Variants in CACNA2D3 observed in about 807,000 individuals in gnomAD.
The protein encoded by CACNA2D3 is calcium voltage-gated channel auxiliary subunit alpha2delta 3.
In CACNA2D3, 60 loss-of-function variants were observed where a neutral mutation model predicts 160.6. The observed-to-expected ratio is 0.37, with a 90% confidence interval of 0.30 to 0.46. CACNA2D3 has a LOEUF of 0.46. CACNA2D3 is among the 20% of genes least tolerant of loss of function. The pLI is 1.00. For missense variants in CACNA2D3, 1,205 were observed against 1,365.0 expected, an observed-to-expected ratio of 0.88 and a Z score of 1.85; for synonymous variants, 558 against 492.9, an observed-to-expected ratio of 1.13 and a Z score of -1.75.
chr3:54,998,517 T>C (rs1414302827), intron 31 of CACNA2D3, among the ~76,000 whole-genome samples: 1 of 152,188 alleles, frequency 6.6e-6, no homozygotes, highest in African/African-American at 2.4e-5. Flanking sequence ...TCTACAATTT[T>C]GTTTCTCTTT....
rs181821181 is a variant in CACNA2D3 at position 54,610,256 on chromosome 3, T to C, written c.964-17531T>C. Reference sequence around the variant, plus strand: ...TGGGGTTTGGACTTCAACATGTCTTTTTGCAGGACACAATTTAACCCATAA... The same window carrying C: ...TGGGGTTTGGACTTCAACATGTCTTCTTGCAGGACACAATTTAACCCATAA... On this transcript the variant is annotated intron_variant, in intron 9 of 37. Transcript: ENST00000474759. 4.5e-3 allele frequency among the ~76,000 whole-genome samples: 686 copies of C among 152,354 alleles called. 8 individuals are homozygous for C. Among genetic ancestry groups the C allele is most frequent in the African/African-American group, 0.016 (649 of 41,586 alleles).
chr3:54,835,389 G>A (rs1162394684), intron 14 of CACNA2D3, among the ~76,000 whole-genome samples: 2 of 152,102 alleles, frequency 1.3e-5, no homozygotes, highest in Non-Finnish European at 2.9e-5. Context: ...TTTGGAATGG[G>A]GCCTGAGACT....
At chr3:54,282,300 T>C (rs1042290122) in intron 2 of CACNA2D3, among the ~76,000 whole-genome samples, 1 of 152,186 alleles carries the variant, frequency 6.6e-6, no homozygotes, top group Non-Finnish European at 1.5e-5. Context: ...TAAATTAACA[T>C]AGGTATAGAG....
At chr3:54,842,715 C>G (rs1698844351) in intron 16 of CACNA2D3, among the ~76,000 whole-genome samples, 1 of 151,928 alleles carries the variant, frequency 6.6e-6, no homozygotes, top group African/African-American at 2.4e-5. Flanking sequence ...ATTCTCCTGC[C>G]TCAGCCTCCA....
chr3:54,897,559 T>C (rs1700220443), intron 26 of CACNA2D3, among the ~76,000 whole-genome samples: 1 of 152,198 alleles, frequency 6.6e-6, no homozygotes, highest in African/African-American at 2.4e-5. Context: ...TCTATACTGC[T>C]TATTGCAGAA....
chr3:54,497,419 GT>G (rs1401908605), intron 4 of CACNA2D3, among the ~76,000 whole-genome samples: 1 of 151,862 alleles, frequency 6.6e-6, no homozygotes, highest in Non-Finnish European at 1.5e-5. Flanking sequence ...ATTTCCAACT[GT>G]TTTGTGTTAG....
At chr3:54,429,731 A>G in intron 4 of CACNA2D3, among the ~76,000 whole-genome samples, 1 of 152,166 alleles carries the variant, frequency 6.6e-6, no homozygotes, top group South Asian at 2.1e-4. Context: ...AGCCCCCTAA[A>G]ATGTGAAGTA....
intron 11 of CACNA2D3, among the ~76,000 whole-genome samples, chr3:54,674,863 G>C (rs1006771294): frequency 6.6e-6 from 1 of 152,172 alleles, no homozygotes; most frequent in Non-Finnish European, 1.5e-5. Flanking sequence ...ATAACCATGG[G>C]AGTAGGCAGT....
At chr3:54,456,314 T>C (rs768308238) in intron 4 of CACNA2D3, among the ~76,000 whole-genome samples, 15 of 152,012 alleles carry the variant, frequency 9.9e-5, no homozygotes, top group Non-Finnish European at 2.1e-4. Context: ...TTATTTTTGG[T>C]ACCAATTGTA....
intron 27 of CACNA2D3, among the ~76,000 whole-genome samples, chr3:54,959,057 C>T (rs550604574): frequency 2.6e-4 from 39 of 151,926 alleles, no homozygotes; most frequent in African/African-American, 7.0e-4. Context: ...GCCATGATCG[C>T]GCCACTGCAC....
chr3:54,349,889 G>T (rs895409228), intron 3 of CACNA2D3, among the ~76,000 whole-genome samples: 2 of 152,232 alleles, frequency 1.3e-5, no homozygotes, highest in African/African-American at 4.8e-5. Context: ...CATCTTCTAT[G>T]TGTCTGCGTA....
At chr3:54,216,382 C>T (rs931290657) in intron 2 of CACNA2D3, among the ~76,000 whole-genome samples, 9 of 152,118 alleles carry the variant, frequency 5.9e-5, no homozygotes, top group African/African-American at 1.4e-4. Flanking sequence ...TATATGTGTG[C>T]TTTCTATAAT....
At chr3:54,479,866 A>C (rs1354266250) in intron 4 of CACNA2D3, among the ~76,000 whole-genome samples, 1 of 152,218 alleles carries the variant, frequency 6.6e-6, no homozygotes, top group Non-Finnish European at 1.5e-5. Flanking sequence ...ACAGGTATTC[A>C]TTTAAGCAAA....
intron 26 of CACNA2D3, among the ~76,000 whole-genome samples, chr3:54,898,191 CTTTTCCTCT>C (rs1374372118): frequency 2.7e-5 from 3 of 112,848 alleles, no homozygotes; most frequent in South Asian, 2.6e-4. Flanking sequence ...CTTTTCTTTT[CTTTTCCTCT>C]CTCTCTCTCT....
At chr3:54,916,485 G>A (rs1700661994) in intron 27 of CACNA2D3, among the ~76,000 whole-genome samples, 2 of 152,208 alleles carry the variant, frequency 1.3e-5, no homozygotes, top group South Asian at 4.2e-4. Context: ...ACAATTTAAG[G>A]TATTTCAGTT....
At chr3:55,026,969 T>C (rs1575441673) in intron 35 of CACNA2D3, among the ~76,000 whole-genome samples, 1 of 152,070 alleles carries the variant, frequency 6.6e-6, no homozygotes, top group Non-Finnish European at 1.5e-5. Context: ...TCCTTCTCTC[T>C]CACCGCTAAG....
At position 54,634,363 on chromosome 3, in the gene CACNA2D3, A is replaced by G. The variant is rs535482060; in HGVS notation, c.1053+6487A>G. 13 of 152,378 alleles carry G rather than the reference A, an allele frequency of 8.5e-5. 1 individual carries two copies. Among genetic ancestry groups the G allele is most frequent in the Admixed American group, 8.5e-4 (13 of 15,306 alleles). 9.4% of individuals were successfully genotyped at this position (152,378 alleles called of 1,614,324 possible). A position where few individuals can be genotyped will look rare whatever the true frequency, so the allele number is the denominator to read the frequency against. Reference sequence around the variant, plus strand: ...GAGGTCTTCCCTGACTATGGTTTCTAGAATTGCCCCCTCCCATTTCTTATC... The same window carrying G: ...GAGGTCTTCCCTGACTATGGTTTCTGGAATTGCCCCCTCCCATTTCTTATC... On this transcript the variant is annotated intron_variant, in intron 10 of 37. Transcript: ENST00000474759.
chr3:54,629,381 G>C (rs1699185654), intron 10 of CACNA2D3, among the ~76,000 whole-genome samples: 1 of 152,124 alleles, frequency 6.6e-6, no homozygotes, highest in African/African-American at 2.4e-5. Context: ...CTCAAGAAAG[G>C]CTAGGCCCTA....
intron 1 of CACNA2D3, 33 bp downstream of exon 1, chr3:54,122,868 G>T: frequency 1.6e-6 from 2 of 1,218,048 alleles, no homozygotes. Flanking sequence ...CCCGGGGAGG[G>T]GACCTTGCCG....
Sources: allele counts gnomAD v4.1 joint callset (sites outside exome capture counted in the v4.1 genomes callset), GRCh38; gene constraint gnomAD v4.1.1; transcripts MANE v1.5; gene names NCBI Gene and HGNC (gene_info 2026-07-23, HGNC 2026-07-21).